Variants in NUP58 observed in about 807,000 individuals in gnomAD.
NUP58 encodes the protein nucleoporin 58.
In NUP58, 17 loss-of-function variants were observed where a neutral mutation model predicts 70.1. The ratio of observed to expected loss-of-function variants is 0.24; its 90% CI spans 0.17 to 0.36. The LOEUF (loss-of-function observed/expected upper bound fraction) is 0.36. Among genes scored for constraint, NUP58 ranks in the 10% least tolerant of loss-of-function variants. The pLI is 1.00. For synonymous variants in NUP58, 275 were observed against 257.6 expected, an observed-to-expected ratio of 1.07 and a Z score of -0.65; for missense variants, 644 against 701.5, an observed-to-expected ratio of 0.92 and a Z score of 0.93.
intron 13 of NUP58, chr13:25,336,116 G>A (rs554676832): frequency 1.2e-5 from 16 of 1,285,550 alleles, no homozygotes; most frequent in East Asian, 5.8e-5. Context: ...TTTCCAAAAC[G>A]TTGGAAAGAA....
At chr13:25,336,113 A>T in intron 13 of NUP58, 1 of 1,279,978 alleles carries the variant, frequency 7.8e-7, no homozygotes, top group South Asian at 1.4e-5. Flanking sequence ...CATTTTCCAA[A>T]ACGTTGGAAA....
At chr13:25,338,536 G>C in intron 14 of NUP58, 100 bp from the exon 15 acceptor site, 1 of 789,812 alleles carries the variant, frequency 1.3e-6, no homozygotes, top group Non-Finnish European at 2.2e-6. Flanking sequence ...TTTCAGCACT[G>C]TATCTGTTAG....
intron 3 of NUP58, among the ~76,000 whole-genome samples, chr13:25,311,896 G>A (rs970692892): frequency 4.6e-5 from 7 of 152,128 alleles, no homozygotes; most frequent in African/African-American, 1.4e-4. Flanking sequence ...GGATGTCAAG[G>A]ATGACTGGTT....
chr13:25,338,988 C>G (rs183406747), intron 15 of NUP58: 25 of 251,814 alleles, frequency 9.9e-5, no homozygotes, highest in African/African-American at 5.1e-4. Flanking sequence ...CTCAGAGATT[C>G]ATTTGAACTC....
chr13:25,331,779 A>G (rs2031614877), intron 13 of NUP58: 1 of 1,377,410 alleles, frequency 7.3e-7, no homozygotes, highest in South Asian at 1.6e-5. Flanking sequence ...GAATATTGTG[A>G]ATCTACTTAA....
chr13:25,324,648 T>A (rs989310722), intron 9 of NUP58, among the ~76,000 whole-genome samples: 5 of 147,794 alleles, frequency 3.4e-5, no homozygotes, highest in Admixed American at 6.8e-5. Flanking sequence ...ACCTGCCTTT[T>A]AAAAAAAAAA....
rs1263696349 is a variant in NUP58, at chr13:25,341,441, TC to T, written c.*1308del. The stretch of plus-strand genomic sequence containing the variant: ...CTAGCTATTCCAATACAGAGTTCTT[TC>T]TTATAGGGCTATTGATATTGACACC... On this transcript the variant is annotated 3_prime_UTR_variant, in exon 16 of 16. Coordinates refer to ENST00000381736, the MANE Select transcript of NUP58 (RefSeq NM_014089.4). The T allele has an allele frequency of 6.6e-6, 1 of 152,618 alleles. No individual in the cohort carries two copies. Among genetic ancestry groups the T allele is most frequent in the African/African-American group, 2.4e-5 (1 of 41,442 alleles). The allele number at this position is 152,618 out of a possible 1,614,324, so 9.5% of individuals were successfully genotyped here.
downstream of NUP58, among the ~76,000 whole-genome samples, chr13:25,346,612 C>T (rs934417659): frequency 9.2e-5 from 14 of 151,448 alleles, no homozygotes; most frequent in African/African-American, 2.4e-4. Flanking sequence ...CTCAGCTACT[C>T]GGGAGGCTGA....
intron 15 of NUP58, 75 bp from the exon 16 acceptor site, chr13:25,339,890 A>G (rs994510167): frequency 2.4e-6 from 3 of 1,258,130 alleles, no homozygotes; most frequent in African/African-American, 1.5e-5. Flanking sequence ...ATAGAAATTT[A>G]CTGCTCCTCC....
chr13:25,335,422 C>T, intron 13 of NUP58: 1 of 985,272 alleles, frequency 1.0e-6, no homozygotes, highest in Non-Finnish European at 1.2e-6. Flanking sequence ...ACAAGTCTCT[C>T]AATGTTAAAG....
At position 25,340,328 on chromosome 13, in the gene NUP58, C is replaced by T. The variant is rs74042930; in HGVS notation, c.*194C>T. The stretch of plus-strand genomic sequence containing the variant: ...TTTTCTTGTGGAATTTAAAGTCCAG[C>T]TGTGTTTTCTTTTTAATTTGATTCT... On this transcript the variant is annotated 3_prime_UTR_variant, in exon 16 of 16. Coordinates refer to ENST00000381736, the MANE Select transcript of NUP58 (RefSeq NM_014089.4). 8,400 of 491,314 alleles carry T rather than the reference C, an allele frequency of 0.017. 335 individuals carry two copies. The highest frequency in any genetic ancestry group is 0.092 in the African/African-American group (4,587 of 49,600). 30.4% of individuals were successfully genotyped at this position (491,314 alleles called of 1,614,324 possible).
chr13:25,339,818 T>G (rs552675769), intron 15 of NUP58, 147 bp from the exon 16 acceptor site: 2 of 663,226 alleles, frequency 3.0e-6, no homozygotes, highest in Non-Finnish European at 4.9e-6. Flanking sequence ...TGTTAAAATT[T>G]CATGTTAGAA....
Position 25,326,984 on chromosome 13 carries a change from T to G in NUP58, c.1100T>G (p.Leu367Arg). ...CAGTACAGGCAGCAGATTGAAGAAC[T>G]AGAAAACCATCTTGCCACTCAAGCA... Reference protein sequence around the residue: ...LQQYRQQIEELENHLATQANN... With the variant: ...LQQYRQQIEERENHLATQANN... The change falls in exon 11 of 16, where the codon CTA (leucine) becomes CGA (arginine). Residue 367 changes from leucine (L) to arginine (R), a missense_variant. By Grantham distance (102) the Leu-to-Arg change is moderately radical. Transcript: ENST00000381736. The G allele has an allele frequency of 1.2e-6, 2 of 1,606,910 alleles. No homozygotes were observed. Among genetic ancestry groups the G allele is most frequent in the Non-Finnish European group, 1.7e-6 (2 of 1,176,096 alleles).
chr13:25,331,111 G>T (rs1005817205), intron 12 of NUP58, among the ~76,000 whole-genome samples: 1 of 152,010 alleles, frequency 6.6e-6, no homozygotes, highest in Non-Finnish European at 1.5e-5. Flanking sequence ...TTTAAACAAG[G>T]CCTCACAAAG....
At chr13:25,313,164 G>A in intron 4 of NUP58, 132 bp downstream of exon 4, 1 of 1,041,682 alleles carries the variant, frequency 9.6e-7, no homozygotes, top group Non-Finnish European at 1.4e-6. Context: ...GAGCATTGAA[G>A]CAGGAGAGGC....
intron 1 of NUP58, chr13:25,302,903 A>G (rs962794988): frequency 2.2e-6 from 1 of 451,762 alleles, no homozygotes; most frequent in Non-Finnish European, 4.4e-6. Flanking sequence ...TACTTCTGCC[A>G]TTTCTGTTTG....
At position 25,312,607 on chromosome 13, in the gene NUP58, A is replaced by G. The variant is rs113820716; in HGVS notation, c.287-276A>G. On this transcript the variant is annotated intron_variant, in intron 3 of 15. Coordinates refer to ENST00000381736, the MANE Select transcript of NUP58 (RefSeq NM_014089.4). ...GGTCTTGAACTCCTGACCTCAAGCA[A>G]TCTGCCCATCTTGGCCTCCCAAAGT... Among the ~76,000 whole-genome samples the G allele has an allele frequency of 5.0e-3, 758 of 152,324 alleles. 4 individuals carry two copies. The highest frequency in any genetic ancestry group is 0.017 in the African/African-American group (705 of 41,584).
intron 3 of NUP58, among the ~76,000 whole-genome samples, chr13:25,312,308 T>A (rs1488467811): frequency 2.0e-5 from 3 of 152,134 alleles, no homozygotes; most frequent in Non-Finnish European, 4.4e-5. Flanking sequence ...AATGCTGCAT[T>A]AGAGGTAAAT....
chr13:25,345,618 C>G (rs895353137), downstream of NUP58, among the ~76,000 whole-genome samples: 14 of 151,970 alleles, frequency 9.2e-5, no homozygotes, highest in Non-Finnish European at 1.8e-4. Context: ...AAAAGGTAAG[C>G]AGAGCCATTT....
Sources: gnomAD v4.1 joint callset for allele counts (sites outside exome capture counted in the v4.1 genomes callset) on GRCh38, gnomAD v4.1.1 for gene constraint, MANE v1.5 for transcripts, NCBI Gene and HGNC (gene_info 2026-07-23, HGNC 2026-07-21) for gene names.